Variants in AGBL3 observed in about 807,000 individuals in gnomAD.
The protein encoded by AGBL3 is AGBL carboxypeptidase 3, also known as cytosolic carboxypeptidase 3.
Under a neutral mutation model 94.5 loss-of-function variants are expected in AGBL3, and 68 were observed. The observed-to-expected ratio is 0.72, with a 90% CI of 0.59 to 0.88. The LOEUF (loss-of-function observed/expected upper bound fraction) is 0.88, where lower values mean the gene tolerates loss of function less well. Ranked by LOEUF, AGBL3 falls within the 40% of genes least tolerant of loss-of-function variation. The pLI, the probability that AGBL3 is intolerant of heterozygous loss-of-function variation, is 0.00. For synonymous variants in AGBL3, 354 were observed against 370.7 expected, an observed-to-expected ratio of 0.95 and a Z score of 0.52; for missense variants, 934 against 1,103.8, an observed-to-expected ratio of 0.85 and a Z score of 2.18.
intron 15 of AGBL3, among the ~76,000 whole-genome samples, chr7:135,086,447 C>T (rs1014025325): frequency 1.2e-4 from 19 of 152,018 alleles, no homozygotes; most frequent in South Asian, 2.1e-4. Flanking sequence ...ATATTGGGTG[C>T]GGGTTTGTCT....
intron 7 of AGBL3, 102 bp downstream of exon 7, chr7:135,035,030 G>C: frequency 1.9e-6 from 2 of 1,053,274 alleles, no homozygotes; most frequent in Non-Finnish European, 2.6e-6. Flanking sequence ...TCTCAAGATA[G>C]TCTAACTACT....
At chr7:135,122,810 C>T (rs112461391) in intron 16 of AGBL3, among the ~76,000 whole-genome samples, 2 of 151,986 alleles carry the variant, frequency 1.3e-5, no homozygotes, top group African/African-American at 4.8e-5. Flanking sequence ...GGGACCTGAC[C>T]AATGAAAGAA....
chr7:135,036,914 A>G (rs999862616), intron 7 of AGBL3, among the ~76,000 whole-genome samples: 2 of 118,280 alleles, frequency 1.7e-5, no homozygotes, highest in African/African-American at 5.9e-5. Flanking sequence ...ATGGAAGGCT[A>G]CTGCATGCAG....
At chr7:135,096,558 AAGAT>A (rs1167936702) in intron 15 of AGBL3, among the ~76,000 whole-genome samples, 12 of 79,788 alleles carry the variant, frequency 1.5e-4, no homozygotes, top group Admixed American at 7.9e-4. Context: ...GAAAGAAAGA[AAGAT>A]AGATAGATAG....
chr7:135,018,905 G>T (rs185165410), intron 5 of AGBL3, among the ~76,000 whole-genome samples: 176 of 152,234 alleles, frequency 1.2e-3, no homozygotes, highest in South Asian at 3.7e-3. Flanking sequence ...GGTGAGTTTT[G>T]AAAAATATAT....
chr7:134,996,913 C>T (rs1584765359), intron 4 of AGBL3, among the ~76,000 whole-genome samples: 1 of 152,140 alleles, frequency 6.6e-6, no homozygotes, highest in Non-Finnish European at 1.5e-5. Flanking sequence ...TAATTTGCTA[C>T]AAAGACTTGC....
chr7:135,047,402 G>T (rs1817469311), intron 11 of AGBL3, among the ~76,000 whole-genome samples: 1 of 152,062 alleles, frequency 6.6e-6, no homozygotes, highest in African/African-American at 2.4e-5. Context: ...CCAGAAGTAA[G>T]ACTGCTGGAT....
intron 15 of AGBL3, chr7:135,093,848 C>T (rs530309728): frequency 1.4e-4 from 21 of 152,318 alleles, no homozygotes; most frequent in Admixed American, 1.3e-3. Flanking sequence ...TCAAAACTGA[C>T]TACCAAGCTA....
intron 15 of AGBL3, among the ~76,000 whole-genome samples, chr7:135,088,226 G>A (rs542412794): frequency 1.6e-4 from 24 of 152,120 alleles, no homozygotes; most frequent in Admixed American, 2.6e-4. Flanking sequence ...TAAGTTTCCC[G>A]TAGGCAGCAT....
At chr7:135,072,933 A>T (rs747037607) in intron 12 of AGBL3, among the ~76,000 whole-genome samples, 1 of 152,078 alleles carries the variant, frequency 6.6e-6, no homozygotes, top group Non-Finnish European at 1.5e-5. Context: ...AAATAAAAAT[A>T]AAATTAAAAA....
intron 16 of AGBL3, among the ~76,000 whole-genome samples, chr7:135,120,562 CT>C (rs1360429775): frequency 6.6e-6 from 1 of 152,124 alleles, no homozygotes; most frequent in Non-Finnish European, 1.5e-5. Flanking sequence ...AAAAGATAAA[CT>C]TTTTTTAAAT....
At chr7:135,082,723 T>C (rs1434406821) in intron 15 of AGBL3, among the ~76,000 whole-genome samples, 3 of 152,166 alleles carry the variant, frequency 2.0e-5, no homozygotes, top group Admixed American at 6.6e-5. Context: ...GTGCTTGACC[T>C]TAAATTTATT....
At chr7:134,987,306 T>C (rs1038535209) in intron 1 of AGBL3, among the ~76,000 whole-genome samples, 7 of 152,328 alleles carry the variant, frequency 4.6e-5, no homozygotes, top group Admixed American at 1.3e-4. Context: ...GTCTTGATAT[T>C]ACCCACATGG....
rs1817313194 is a variant in AGBL3 at position 135,045,902 on chromosome 7, T to C, written c.1832T>C (p.Val611Ala). Residue 611 changes from valine (V) to alanine (A), a missense_variant, in exon 11 of 17, where the codon GTA becomes GCA. Coordinates refer to ENST00000436302, the MANE Select transcript of AGBL3 (RefSeq NM_178563.4). ...CCTGTGATAGACATTACATTGGATG[T>C]AGAGTCTAGGTAACTCAAGGCTGCT... ...DTPVIDITLD[V>A]ESSSRGSDSS... 1.3e-6 allele frequency: 2 copies of C among 1,544,624 alleles called. No individual in the cohort carries two copies. Among genetic ancestry groups the C allele is most frequent in the African/African-American group, 1.4e-5 (1 of 72,980 alleles).
chr7:135,113,849 T>C (rs1254477175), intron 15 of AGBL3, among the ~76,000 whole-genome samples: 1 of 152,194 alleles, frequency 6.6e-6, no homozygotes, highest in Non-Finnish European at 1.5e-5. Flanking sequence ...CCTTCTACTT[T>C]TGTGTCTATG....
chr7:135,105,054 T>G lies in AGBL3; in HGVS notation c.2111-10326T>G, dbSNP rs569485600. On this transcript the variant is annotated intron_variant, in intron 15 of 16. Coordinates refer to ENST00000436302, the MANE Select transcript of AGBL3 (RefSeq NM_178563.4). The stretch of plus-strand genomic sequence containing the variant: ...TTGTCTTCCAGGGTTTTTATAGTTT[T>G]GGGTTTTACATTCAAGTTTTTTTTT... 7.5e-5 allele frequency among the ~76,000 whole-genome samples: 11 copies of G among 147,476 alleles called. No individual in the cohort carries two copies. In the South Asian group the frequency reaches 2.3e-3, roughly 31 times the overall value.
At chr7:135,036,661 C>T (rs958344204) in intron 7 of AGBL3, among the ~76,000 whole-genome samples, 11 of 151,960 alleles carry the variant, frequency 7.2e-5, no homozygotes, top group South Asian at 2.1e-4. Flanking sequence ...TAAGTGCTAC[C>T]GAAGCTCAAT....
chr7:135,046,346 G>A (rs1817355393), intron 11 of AGBL3, among the ~76,000 whole-genome samples: 1 of 151,970 alleles, frequency 6.6e-6, no homozygotes, highest in South Asian at 2.1e-4. Flanking sequence ...AAAGTCCATT[G>A]GATATATTAG....
At chr7:135,065,473 G>A (rs1052215756) in intron 12 of AGBL3, among the ~76,000 whole-genome samples, 24 of 152,220 alleles carry the variant, frequency 1.6e-4, no homozygotes, top group Admixed American at 1.6e-3. Context: ...ACTGGCATAT[G>A]AACAGACACA....
Sources: allele counts gnomAD v4.1 joint callset (sites outside exome capture counted in the v4.1 genomes callset), GRCh38; gene constraint gnomAD v4.1.1; transcripts MANE v1.5; gene names NCBI Gene and HGNC (gene_info 2026-07-23, HGNC 2026-07-21).